The following CPA6 variants were observed in gnomAD, a reference collection of about 807,000 sequenced individuals.
The protein encoded by CPA6 is carboxypeptidase A6.
In CPA6, 58 loss-of-function variants were observed where a neutral mutation model predicts 63.3. That is an observed-to-expected ratio of 0.92 (90% CI 0.74 to 1.14). The LOEUF is 1.14. Ranked by LOEUF, CPA6 falls within the 50% of genes most tolerant of loss-of-function variation. CPA6 has a pLI of 0.00. For missense variants in CPA6, 565 were observed against 526.6 expected, an observed-to-expected ratio of 1.07 and a Z score of -0.71; for synonymous variants, 185 against 179.0, an observed-to-expected ratio of 1.03 and a Z score of -0.27.
intron 1 of CPA6, among the ~76,000 whole-genome samples, chr8:67,685,121 C>T (rs1269403325): frequency 6.6e-6 from 1 of 152,106 alleles, no homozygotes; most frequent in Non-Finnish European, 1.5e-5. Flanking sequence ...CAAGTATCAT[C>T]GAATAATTTT....
chr8:67,680,609 T>C (rs55958619), intron 1 of CPA6, among the ~76,000 whole-genome samples: 1,709 of 152,344 alleles, frequency 0.011, 39 homozygotes, highest in African/African-American at 0.037. Context: ...ATAGATTCTT[T>C]TTAACAATCA....
chr8:67,501,078 A>G (rs1218111900), intron 6 of CPA6, among the ~76,000 whole-genome samples: 2 of 152,120 alleles, frequency 1.3e-5, no homozygotes, highest in Non-Finnish European at 2.9e-5. Flanking sequence ...ACTTTTAAGA[A>G]TAATCTTATC....
chr8:67,709,004 G>A (rs529011457), intron 1 of CPA6, among the ~76,000 whole-genome samples: 1 of 152,274 alleles, frequency 6.6e-6, no homozygotes, highest in South Asian at 2.1e-4. Flanking sequence ...CTAGTGATCA[G>A]CAGCTTCCTG....
At position 67,629,305 on chromosome 8, in the gene CPA6, A is replaced by AAAATAAAT. The variant is rs558176637; in HGVS notation, c.117-5062_117-5055dup. Among the ~76,000 whole-genome samples, 17 of 151,502 alleles carry AAAATAAAT rather than the reference A, an allele frequency of 1.1e-4. 1 individual carries two copies. The highest frequency in any genetic ancestry group is 8.4e-4 in the South Asian group (4 of 4,758). On this transcript the variant is annotated intron_variant, in intron 1 of 10. Coordinates refer to ENST00000297770, the MANE Select transcript of CPA6 (RefSeq NM_020361.5). ...AACATAGTGAGACCCTGTCTCCGCA[A>AAAATAAAT]AAATAAATAAATAAATAAATAAATA... is the stretch of plus-strand genomic sequence containing the variant.
At chr8:67,552,774 C>CAAAAAAAAAAAAAAAAAA (rs762395117) in intron 2 of CPA6, among the ~76,000 whole-genome samples, 59 of 20,910 alleles carry the variant, frequency 2.8e-3, no homozygotes, top group East Asian at 7.0e-3. Flanking sequence ...AAGACTGTCT[C>CAAAAAAAAAAAAAAAAAA]AAAAAAAAAA....
chr8:67,720,779 G>A (rs1446284454), intron 1 of CPA6, among the ~76,000 whole-genome samples: 1 of 152,152 alleles, frequency 6.6e-6, no homozygotes, highest in Non-Finnish European at 1.5e-5. Flanking sequence ...TGAATGAAGA[G>A]CTGTGCGTTC....
At chr8:67,466,244 A>G (rs1398929042) in intron 8 of CPA6, among the ~76,000 whole-genome samples, 4 of 152,064 alleles carry the variant, frequency 2.6e-5, no homozygotes, top group Non-Finnish European at 4.4e-5. Context: ...GTTTGTGTGC[A>G]TAGAGGTGCT....
chr8:67,589,455 C>G (rs1814044614), intron 2 of CPA6, among the ~76,000 whole-genome samples: 1 of 152,158 alleles, frequency 6.6e-6, no homozygotes, highest in Non-Finnish European at 1.5e-5. Context: ...TACAGGAAAT[C>G]AGATCTTATG....
At chr8:67,431,638 T>G (rs1810030208) in intron 9 of CPA6, among the ~76,000 whole-genome samples, 1 of 152,180 alleles carries the variant, frequency 6.6e-6, no homozygotes, top group Admixed American at 6.5e-5. Flanking sequence ...AAAGGAATAC[T>G]GTGATACAAA....
chr8:67,661,577 C>T (rs1284809842), intron 1 of CPA6, among the ~76,000 whole-genome samples: 1 of 152,184 alleles, frequency 6.6e-6, no homozygotes, highest in Admixed American at 6.5e-5. Flanking sequence ...TCCTTTGGAT[C>T]CCATGCAAAC....
At chr8:67,596,622 G>A (rs143415714) in intron 2 of CPA6, among the ~76,000 whole-genome samples, 2 of 151,704 alleles carry the variant, frequency 1.3e-5, no homozygotes, top group East Asian at 3.9e-4. Flanking sequence ...ACAAAATCAA[G>A]GATAGTACAA....
rs759260101 is a variant in CPA6 at position 67,422,535 on chromosome 8, A to T, written c.1283T>A (p.Ile428Asn). 5.0e-6 allele frequency: 8 copies of T among 1,613,970 alleles called. No individual in the cohort carries two copies. The highest frequency in any genetic ancestry group is 1.3e-5 in the African/African-American group (1 of 74,918). ...ACATTTCTTTAGCAGGTGCATTGTG[A>T]TATTTTTCACAGCCAGCATAGTTTC... ...CTETMLAVKN[I>N]TMHLLKKCP is the part of the protein sequence containing the mutation. Residue 428 changes from isoleucine to asparagine, a missense_variant, in exon 11 of 11, where the codon ATC becomes AAC. Physicochemically the swap from Ile to Asn is moderately radical, Grantham distance 149 (BLOSUM62 -3). Coordinates refer to ENST00000297770, the MANE Select transcript of CPA6 (RefSeq NM_020361.5).
chr8:67,491,155 A>T (rs1811596214), intron 6 of CPA6, among the ~76,000 whole-genome samples: 1 of 151,782 alleles, frequency 6.6e-6, no homozygotes, highest in Non-Finnish European at 1.5e-5. Flanking sequence ...GTGCATCTCA[A>T]CACAAAGGAG....
At chr8:67,431,831 T>C (rs1810034379) in intron 9 of CPA6, among the ~76,000 whole-genome samples, 1 of 152,158 alleles carries the variant, frequency 6.6e-6, no homozygotes, top group East Asian at 1.9e-4. Context: ...AAAATTCTCT[T>C]TTTTGGACAG....
chr8:67,651,173 C>T (rs745799072), intron 1 of CPA6, among the ~76,000 whole-genome samples: 1 of 152,176 alleles, frequency 6.6e-6, no homozygotes, highest in South Asian at 2.1e-4. Flanking sequence ...TGCTTTCCTT[C>T]AGGCTGCATT....
At chr8:67,620,923 C>A (rs547367691) in intron 2 of CPA6, among the ~76,000 whole-genome samples, 1 of 152,180 alleles carries the variant, frequency 6.6e-6, no homozygotes, top group Non-Finnish European at 1.5e-5. Flanking sequence ...AGGGCTACCA[C>A]CACTCTAACT....
intron 1 of CPA6, among the ~76,000 whole-genome samples, chr8:67,673,353 T>TTTA (rs71253021): frequency 0.039 from 5,467 of 140,050 alleles, 230 homozygotes; most frequent in African/African-American, 0.093. Context: ...TCTCTTTCAA[T>TTTA]TTATTATTAT....
intron 5 of CPA6, among the ~76,000 whole-genome samples, chr8:67,507,157 TTTTTAA>T (rs1358788928): frequency 3.3e-5 from 5 of 151,938 alleles, no homozygotes; most frequent in Non-Finnish European, 7.4e-5. Flanking sequence ...TTTTTAAAAT[TTTTTAA>T]TTTTAATTAA....
chr8:67,677,774 C>T (rs1265041431), intron 1 of CPA6, among the ~76,000 whole-genome samples: 3 of 151,716 alleles, frequency 2.0e-5, no homozygotes, highest in African/African-American at 7.3e-5. Context: ...GAGTGGATGG[C>T]TATCAGAGAA....
Sources: gnomAD v4.1 joint callset for allele counts (sites outside exome capture counted in the v4.1 genomes callset) on GRCh38, gnomAD v4.1.1 for gene constraint, MANE v1.5 for transcripts, NCBI Gene and HGNC (gene_info 2026-07-23, HGNC 2026-07-21) for gene names.